Variants in SLC9A7 observed in about 807,000 individuals in gnomAD.
SLC9A7 encodes sodium/hydrogen exchanger 7.
SLC9A7 carries 19 observed loss-of-function variants against 52.6 expected under a neutral mutation model. The observed-to-expected ratio is 0.36, with a 90% CI of 0.25 to 0.53. The LOEUF (loss-of-function observed/expected upper bound fraction) is 0.53, where lower values mean the gene tolerates loss of function less well. SLC9A7 is among the 20% of genes least tolerant of loss of function. SLC9A7 has a pLI of 0.91. For synonymous variants in SLC9A7, 226 were observed against 252.1 expected (o/e 0.90, Z 0.98); for missense variants, 455 against 597.9 (o/e 0.76, Z 2.49).
At chrX:46,753,508 C>G (rs181646316) in intron 1 of SLC9A7, among the ~76,000 whole-genome samples, 8 of 111,941 alleles carry the variant, frequency 7.1e-5, no homozygotes, top group Non-Finnish European at 1.3e-4. Context: ...CTCAAAACAC[C>G]TCTTTTTATC....
At chrX:46,675,407 A>G (rs1338609651) in intron 3 of SLC9A7, among the ~76,000 whole-genome samples, 2 of 111,703 alleles carry the variant, frequency 1.8e-5, no homozygotes, top group African/African-American at 6.5e-5. Flanking sequence ...AGGTGCTTTT[A>G]TAGGGACAAT....
chrX:46,677,589 G>T (rs192281575), intron 3 of SLC9A7, among the ~76,000 whole-genome samples: 1 of 112,302 alleles, frequency 8.9e-6, no homozygotes, highest in Non-Finnish European at 1.9e-5. Context: ...TGTAAAAACA[G>T]AAATAAAGAA....
In SLC9A7 at chrX:46,606,842, G is replaced by C; in HGVS notation, c.*110C>G. On this transcript the variant is annotated 3_prime_UTR_variant, in exon 17 of 17. Transcript: ENST00000616978. ...AATAGCTTCAGACCCCAATAAAATA[G>C]AAGAGTTAGTTCAATCTAGTCACTG... 8.6e-7 allele frequency: 1 copy of C among 1,162,316 alleles called. No homozygotes were observed. The highest frequency in any genetic ancestry group is 3.0e-5 in the East Asian group (1 of 33,265).
In SLC9A7 at chrX:46,651,424, A is replaced by G. The variant is rs1262580404; in HGVS notation, c.1148-20T>C. The G allele has an allele frequency of 8.7e-7, 1 of 1,152,461 alleles. No individual in the cohort carries two copies. Among genetic ancestry groups the G allele is most frequent in the Non-Finnish European group, 1.2e-6 (1 of 849,604 alleles). 95.0% of individuals were successfully genotyped at this position (1,152,461 alleles called of 1,213,427 possible). Reference sequence around the variant, plus strand: ...CAACACCTGTTAAAACATCCCCCCAAAAAAAATCAATGGAAAAAAAAGAGG... The same window carrying G: ...CAACACCTGTTAAAACATCCCCCCAGAAAAAATCAATGGAAAAAAAAGAGG... On this transcript the variant is annotated intron_variant, in intron 8 of 16. Coordinates refer to ENST00000616978, the MANE Select transcript of SLC9A7 (RefSeq NM_001257291.2).
chrX:46,679,933 T>C (rs1373364589), intron 2 of SLC9A7, among the ~76,000 whole-genome samples, 178 bp from the exon 3 acceptor site: 1 of 112,496 alleles, frequency 8.9e-6, no homozygotes, highest in Non-Finnish European at 1.9e-5. Flanking sequence ...TGGACTGGCA[T>C]GCTCTTCTCC....
intron 7 of SLC9A7, among the ~76,000 whole-genome samples, chrX:46,660,939 T>G (rs1278265491): frequency 9.3e-6 from 1 of 107,973 alleles, no homozygotes; most frequent in Non-Finnish European, 1.9e-5. Flanking sequence ...TATTGCGGCA[T>G]TATTCACAAT....
At chrX:46,642,022 A>C (rs1943413888) in intron 12 of SLC9A7, among the ~76,000 whole-genome samples, 1 of 112,586 alleles carries the variant, frequency 8.9e-6, no homozygotes, top group African/African-American at 3.2e-5. Context: ...TCAGGCAGAG[A>C]TACACTAGCC....
chrX:46,710,465 C>T (rs946570291), intron 1 of SLC9A7, among the ~76,000 whole-genome samples: 1 of 111,707 alleles, frequency 9.0e-6, no homozygotes, highest in Non-Finnish European at 1.9e-5. Context: ...ATGTAACTGG[C>T]AAATTGAGGG....
At chrX:46,708,988 T>TA (rs1203228929) in intron 1 of SLC9A7, among the ~76,000 whole-genome samples, 1 of 111,268 alleles carries the variant, frequency 9.0e-6, no homozygotes, top group East Asian at 2.8e-4. Flanking sequence ...TGTTTAAAAA[T>TA]AAGATAAATG....
intron 14 of SLC9A7, among the ~76,000 whole-genome samples, chrX:46,623,417 G>A (rs748296561): frequency 4.5e-5 from 5 of 111,888 alleles, no homozygotes; most frequent in African/African-American, 1.6e-4. Context: ...AGGGCCTGGA[G>A]CATTCTTTTT....
At chrX:46,609,388 T>C (rs1942806462) in intron 16 of SLC9A7, among the ~76,000 whole-genome samples, 1 of 112,144 alleles carries the variant, frequency 8.9e-6, no homozygotes, top group Non-Finnish European at 1.9e-5. Flanking sequence ...GAAAGGTCAT[T>C]CAGAAACAAG....
chrX:46,751,888 G>A (rs906951019), intron 1 of SLC9A7, among the ~76,000 whole-genome samples: 2 of 112,068 alleles, frequency 1.8e-5, no homozygotes, highest in African/African-American at 6.5e-5. Flanking sequence ...ATGTCAAACA[G>A]TGTTAATCAG....
chrX:46,696,532 T>C (rs982242029), intron 1 of SLC9A7, among the ~76,000 whole-genome samples: 4 of 111,860 alleles, frequency 3.6e-5, no homozygotes, highest in African/African-American at 1.3e-4. Context: ...TAAACATAGC[T>C]CACAATCACT....
chrX:46,662,444 A>C, intron 6 of SLC9A7, 94 bp downstream of exon 6: 1 of 632,321 alleles, frequency 1.6e-6, no homozygotes, highest in Non-Finnish European at 2.4e-6. Flanking sequence ...CACCCAATTC[A>C]ATATGTAATA....
intron 15 of SLC9A7, among the ~76,000 whole-genome samples, chrX:46,618,099 G>A (rs1942982141): frequency 9.0e-6 from 1 of 111,518 alleles, no homozygotes; most frequent in African/African-American, 3.3e-5. Flanking sequence ...TGTGGTTGGT[G>A]AGCCACAGTT....
At chrX:46,635,676 T>C (rs757565661) in intron 12 of SLC9A7, 28 bp from the exon 13 acceptor site, 4 of 1,154,752 alleles carry the variant, frequency 3.5e-6, no homozygotes, top group East Asian at 3.0e-5. Flanking sequence ...GGAACGTGAG[T>C]GTGACAGGGA....
At chrX:46,737,916 A>G (rs1422234378) in intron 1 of SLC9A7, among the ~76,000 whole-genome samples, 1 of 108,936 alleles carries the variant, frequency 9.2e-6, no homozygotes, top group Non-Finnish European at 1.9e-5. Context: ...AGTCCCAGCT[A>G]CTTGGGAGGC....
At chrX:46,666,997 T>A (rs1943932384) in intron 5 of SLC9A7, among the ~76,000 whole-genome samples, 1 of 112,138 alleles carries the variant, frequency 8.9e-6, no homozygotes, top group African/African-American at 3.2e-5. Context: ...TTTGGAAACA[T>A]GCTTGGCTTC....
intron 3 of SLC9A7, among the ~76,000 whole-genome samples, chrX:46,674,772 C>T (rs377097999): frequency 1.4e-4 from 16 of 111,803 alleles, no homozygotes; most frequent in African/African-American, 5.2e-4. Context: ...TCAGAATCTC[C>T]CTTACTTTTC....
Sources: gnomAD v4.1 joint callset for allele counts (sites outside exome capture counted in the v4.1 genomes callset) on GRCh38, gnomAD v4.1.1 for gene constraint, MANE v1.5 for transcripts, NCBI Gene and HGNC (gene_info 2026-07-23, HGNC 2026-07-21) for gene names.